DACH1: variants seen among roughly 807,000 people sequenced by gnomAD.
DACH1 encodes the protein dachshund family transcription factor 1, also known as dachshund homolog 1.
A neutral mutation model predicts 54.2 loss-of-function variants in DACH1; 12 were observed. The ratio of observed to expected loss-of-function variants is 0.22; its 90% CI spans 0.14 to 0.36. DACH1 has a LOEUF of 0.36. Ranked by LOEUF, DACH1 falls within the 10% of genes least tolerant of loss-of-function variation. The pLI, the probability that DACH1 is intolerant of heterozygous loss-of-function variation, is 1.00. For missense variants in DACH1, 805 were observed against 929.8 expected, an observed-to-expected ratio of 0.87 and a Z score of 1.75; for synonymous variants, 386 against 366.2, an observed-to-expected ratio of 1.05 and a Z score of -0.62.
intron 7 of DACH1, among the ~76,000 whole-genome samples, chr13:71,488,650 G>A (rs1161880242): frequency 6.6e-6 from 1 of 151,706 alleles, no homozygotes; most frequent in Non-Finnish European, 1.5e-5. Context: ...TAGAACTAGT[G>A]TGCCGTTGTT....
In DACH1 at chr13:71,664,004, C is replaced by CAA. The variant is rs1229248350; in HGVS notation, c.964+17790_964+17791insTT. 1.5e-4 allele frequency among the ~76,000 whole-genome samples: 23 copies of CAA among 151,882 alleles called. No individual in the cohort carries two copies. In the South Asian group the frequency reaches 4.8e-3, roughly 32 times the overall value. On this transcript the variant is annotated intron_variant, in intron 2 of 10. Coordinates refer to ENST00000613252, the MANE Select transcript of DACH1 (RefSeq NM_080759.6). ...TTAGTTAGGTTGCAAATACCCAATG[C>CAA]TATTGTAAAAAAAATCTCCAGTGTG...
At chr13:71,847,406 C>A (rs557789301) in intron 1 of DACH1, among the ~76,000 whole-genome samples, 1 of 152,198 alleles carries the variant, frequency 6.6e-6, no homozygotes, top group East Asian at 1.9e-4. Context: ...CTACTATGTG[C>A]TAGAAAGTAT....
chr13:71,505,620 ACTGTT>A (rs1880251453), intron 6 of DACH1, among the ~76,000 whole-genome samples: 1 of 152,106 alleles, frequency 6.6e-6, no homozygotes, highest in Non-Finnish European at 1.5e-5. Context: ...AAATCCAATA[ACTGTT>A]CTGTTCTGTT....
intron 6 of DACH1, among the ~76,000 whole-genome samples, chr13:71,502,283 G>A (rs1185648805): frequency 6.6e-6 from 1 of 151,446 alleles, no homozygotes; most frequent in Non-Finnish European, 1.5e-5. Flanking sequence ...GATTATCTGT[G>A]ATTAATTGCT....
chr13:71,657,839 C>T (rs1326274445), intron 2 of DACH1, among the ~76,000 whole-genome samples: 2 of 152,038 alleles, frequency 1.3e-5, no homozygotes, highest in East Asian at 3.9e-4. Context: ...TTGAACTCAG[C>T]TCAAGCAATC....
intron 7 of DACH1, among the ~76,000 whole-genome samples, chr13:71,485,479 A>G (rs1878407652): frequency 6.7e-6 from 1 of 149,568 alleles, no homozygotes; most frequent in Non-Finnish European, 1.5e-5. Context: ...TTCTAAATAT[A>G]AAATTTAAAT....
At chr13:71,571,879 G>A (rs1885230433) in intron 4 of DACH1, among the ~76,000 whole-genome samples, 1 of 151,940 alleles carries the variant, frequency 6.6e-6, no homozygotes, top group Non-Finnish European at 1.5e-5. Context: ...GGGACTACAG[G>A]CGCCCGCCAC....
In DACH1 at chr13:71,744,988, G is replaced by A. The variant is rs553839202; in HGVS notation, c.849-63078C>T. ...ATTTTTATTTATTCTTTTACCTTTT[G>A]CAAATTCATATCTCGGAATATTGTT... On this transcript the variant is annotated intron_variant, in intron 1 of 10. Coordinates refer to ENST00000613252, the MANE Select transcript of DACH1 (RefSeq NM_080759.6). Among the ~76,000 whole-genome samples the A allele has an allele frequency of 4.2e-4, 64 of 152,032 alleles. 3 individuals are homozygous for A. The South Asian group carries it at 0.013, about 31-fold the overall frequency.
rs545743389 is a variant in DACH1 at position 71,699,342 on chromosome 13, T to C, written c.849-17432A>G. Among the ~76,000 whole-genome samples, 7 of 152,344 alleles carry C rather than the reference T, an allele frequency of 4.6e-5. No homozygotes were observed. In the South Asian group the frequency reaches 1.2e-3, roughly 27 times the overall value. ...CCTCTTTACTTACACTTCCAAGCAG[T>C]CAATTTTAAAATTGTATTTCATTTT... On this transcript the variant is annotated intron_variant, in intron 1 of 10. Coordinates refer to ENST00000613252, the MANE Select transcript of DACH1 (RefSeq NM_080759.6).
chr13:71,495,308 T>C (rs918738810), intron 6 of DACH1, among the ~76,000 whole-genome samples: 2 of 152,064 alleles, frequency 1.3e-5, no homozygotes, highest in African/African-American at 4.8e-5. Flanking sequence ...GTGAAGAAGA[T>C]TTTAGCAAAA....
chr13:71,733,775 A>G (rs184619988), intron 1 of DACH1, among the ~76,000 whole-genome samples: 434 of 152,266 alleles, frequency 2.9e-3, no homozygotes, highest in Admixed American at 4.5e-3. Context: ...TAAATAATTC[A>G]TATTATTCTC....
intron 2 of DACH1, among the ~76,000 whole-genome samples, chr13:71,648,852 C>T (rs1056171170): frequency 6.6e-6 from 1 of 152,126 alleles, no homozygotes; most frequent in Non-Finnish European, 1.5e-5. Context: ...CCCTTTCCTG[C>T]CATTTATGCG....
chr13:71,650,721 G>T (rs1412810928), intron 2 of DACH1, among the ~76,000 whole-genome samples: 1 of 152,042 alleles, frequency 6.6e-6, no homozygotes, highest in Non-Finnish European at 1.5e-5. Flanking sequence ...TTATCATCAA[G>T]GCATTCGGAT....
At chr13:71,636,646 G>A (rs1215113167) in intron 2 of DACH1, among the ~76,000 whole-genome samples, 1 of 151,432 alleles carries the variant, frequency 6.6e-6, no homozygotes, top group Non-Finnish European at 1.5e-5. Context: ...TCCTTCAGTG[G>A]AAAGATAATA....
chr13:71,544,465 T>A (rs1883335583), intron 6 of DACH1, among the ~76,000 whole-genome samples: 1 of 152,100 alleles, frequency 6.6e-6, no homozygotes, highest in African/African-American at 2.4e-5. Flanking sequence ...ACATAGCAGG[T>A]AATAACAAAT....
At chr13:71,623,573 G>A (rs1239262287) in intron 3 of DACH1, among the ~76,000 whole-genome samples, 1 of 151,626 alleles carries the variant, frequency 6.6e-6, no homozygotes, top group Non-Finnish European at 1.5e-5. Flanking sequence ...ACTTAAGGAT[G>A]CCTTGTTTTG....
At chr13:71,863,828 T>C (rs1166513714) in intron 1 of DACH1, among the ~76,000 whole-genome samples, 7 of 149,054 alleles carry the variant, frequency 4.7e-5, no homozygotes, top group African/African-American at 1.7e-4. Flanking sequence ...ATCTAGTATC[T>C]AGTGTGCTGT....
chr13:71,699,572 T>C, intron 1 of DACH1, among the ~76,000 whole-genome samples: 1 of 152,192 alleles, frequency 6.6e-6, no homozygotes, highest in Non-Finnish European at 1.5e-5. Context: ...GAATGGGTGG[T>C]GTGTGGTGAG....
chr13:71,525,219 T>C (rs9529905), intron 6 of DACH1, among the ~76,000 whole-genome samples: 3,840 of 152,232 alleles, frequency 0.025, 83 homozygotes, highest in Non-Finnish European at 0.033. Context: ...CCTGAGATCG[T>C]TGAGAGCAAA....
Sources: allele counts gnomAD v4.1 joint callset (sites outside exome capture counted in the v4.1 genomes callset), GRCh38; gene constraint gnomAD v4.1.1; transcripts MANE v1.5; gene names NCBI Gene and HGNC (gene_info 2026-07-23, HGNC 2026-07-21).